Variants in SMYD3 observed in about 807,000 individuals in gnomAD.
SMYD3 encodes histone-lysine N-methyltransferase SMYD3.
Under a neutral mutation model 57.7 loss-of-function variants are expected in SMYD3, and 36 were observed. The ratio of observed to expected loss-of-function variants is 0.62; its 90% CI spans 0.48 to 0.82. SMYD3 has a LOEUF of 0.82. Ranked by LOEUF, SMYD3 falls within the 40% of genes least tolerant of loss-of-function variation. SMYD3 has a pLI of 0.00. For missense variants in SMYD3, 515 were observed against 538.8 expected (o/e 0.96, Z 0.44); for synonymous variants, 211 against 195.0 (o/e 1.08, Z -0.68).
At chr1:245,996,489 G>A (rs1458701165) in intron 5 of SMYD3, among the ~76,000 whole-genome samples, 1 of 152,130 alleles carries the variant, frequency 6.6e-6, no homozygotes, top group African/African-American at 2.4e-5. Context: ...CTTGAAAACT[G>A]AACAAATAGA....
intron 5 of SMYD3, among the ~76,000 whole-genome samples, chr1:246,015,758 T>G (rs373149865): frequency 6.6e-6 from 1 of 152,220 alleles, no homozygotes; most frequent in Non-Finnish European, 1.5e-5. Context: ...TTATAGCATG[T>G]GTCAAAGTTT....
intron 5 of SMYD3, among the ~76,000 whole-genome samples, chr1:246,248,558 TAGTC>T (rs1175096329): frequency 2.0e-5 from 3 of 151,824 alleles, no homozygotes; most frequent in African/African-American, 7.3e-5. Flanking sequence ...ATTGTGTTAT[TAGTC>T]AGGCTCCAAA....
chr1:246,426,281 T>C (rs1005227931), intron 1 of SMYD3, among the ~76,000 whole-genome samples: 1 of 152,208 alleles, frequency 6.6e-6, no homozygotes, highest in Non-Finnish European at 1.5e-5. Flanking sequence ...AATTCACTGA[T>C]TTTAAATGTA....
At chr1:246,352,750 A>G (rs1366119452) in intron 2 of SMYD3, among the ~76,000 whole-genome samples, 1 of 152,222 alleles carries the variant, frequency 6.6e-6, no homozygotes, top group African/African-American at 2.4e-5. Context: ...CCTGCTACTC[A>G]TTCTAATCAG....
chr1:246,057,845 A>T (rs34230056), intron 5 of SMYD3, among the ~76,000 whole-genome samples: 11,524 of 152,288 alleles, frequency 0.076, 515 homozygotes, highest in African/African-American at 0.12. Context: ...ACTTGGAAGT[A>T]ACCCAGATGG....
At chr1:246,290,122 T>C (rs2064659031) in intron 5 of SMYD3, among the ~76,000 whole-genome samples, 1 of 152,138 alleles carries the variant, frequency 6.6e-6, no homozygotes, top group Non-Finnish European at 1.5e-5. Context: ...GCAAAATAAC[T>C]ACATTAGCAT....
chr1:246,063,878 G>A (rs2060296937), intron 5 of SMYD3, among the ~76,000 whole-genome samples: 1 of 152,130 alleles, frequency 6.6e-6, no homozygotes, highest in Non-Finnish European at 1.5e-5. Flanking sequence ...GACTTCAAGT[G>A]ATCCACCCGC....
At chr1:246,123,497 G>A (rs970540085) in intron 5 of SMYD3, among the ~76,000 whole-genome samples, 1 of 151,038 alleles carries the variant, frequency 6.6e-6, no homozygotes, top group Non-Finnish European at 1.5e-5. Flanking sequence ...AACCCGGGAG[G>A]CAGAGGTTGC....
chr1:246,135,703 AT>A (rs2061656545), intron 5 of SMYD3, among the ~76,000 whole-genome samples: 1 of 152,166 alleles, frequency 6.6e-6, no homozygotes, highest in African/African-American at 2.4e-5. Flanking sequence ...TAATGTATAC[AT>A]ATTATATATG....
At chr1:246,253,598 A>T (rs939489619) in intron 5 of SMYD3, among the ~76,000 whole-genome samples, 7 of 152,168 alleles carry the variant, frequency 4.6e-5, no homozygotes, top group African/African-American at 1.7e-4. Context: ...ATGAGCATGG[A>T]ATGTCTTTCT....
chr1:245,765,073 C>A (rs1572272606), intron 10 of SMYD3, among the ~76,000 whole-genome samples: 2 of 121,294 alleles, frequency 1.6e-5, no homozygotes, highest in African/African-American at 6.3e-5. Flanking sequence ...CACACACACA[C>A]ACACAAAACC....
At chr1:245,893,133 C>T (rs1268277785) in intron 8 of SMYD3, among the ~76,000 whole-genome samples, 1 of 152,076 alleles carries the variant, frequency 6.6e-6, no homozygotes, top group Non-Finnish European at 1.5e-5. Context: ...TACAGTACTG[C>T]AAATTAAAAC....
At chr1:245,847,746 T>C (rs1244264762) in intron 10 of SMYD3, among the ~76,000 whole-genome samples, 1 of 152,168 alleles carries the variant, frequency 6.6e-6, no homozygotes, top group African/African-American at 2.4e-5. Flanking sequence ...TACAATTTGT[T>C]GTAATAAGAA....
At chr1:245,977,665 T>A (rs2058484758) in intron 5 of SMYD3, among the ~76,000 whole-genome samples, 1 of 152,002 alleles carries the variant, frequency 6.6e-6, no homozygotes, top group Admixed American at 6.6e-5. Flanking sequence ...GGTGACGGAG[T>A]GAGACTGTCT....
intron 6 of SMYD3, 83 bp from the exon 7 acceptor site, chr1:245,928,116 C>G: frequency 9.2e-7 from 1 of 1,083,940 alleles, no homozygotes; most frequent in Non-Finnish European, 1.4e-6. Context: ...GTAAAATACA[C>G]CTTCCTTTGG....
intron 10 of SMYD3, among the ~76,000 whole-genome samples, chr1:245,808,104 G>A (rs991044252): frequency 5.3e-5 from 8 of 152,236 alleles, no homozygotes; most frequent in African/African-American, 1.9e-4. Flanking sequence ...TAAACTGGCT[G>A]TTCCCAGGCA....
rs548715052 is a variant in SMYD3, at chr1:246,498,852, G to C, written c.164+8202C>G. ...CCCCCAGGCTGGAGTCCAGTGGCACGATCATGGCTCACTGCAGCCTTGACC... is the reference window on the plus strand; with the variant it reads ...CCCCCAGGCTGGAGTCCAGTGGCACCATCATGGCTCACTGCAGCCTTGACC... On this transcript the variant is annotated intron_variant, in intron 1 of 11. Transcript: ENST00000490107. Among the ~76,000 whole-genome samples the C allele has an allele frequency of 4.8e-3, 728 of 151,874 alleles. 8 individuals carry two copies. Among genetic ancestry groups the C allele is most frequent in the South Asian group, 4.4e-3 (21 of 4,798 alleles).
intron 2 of SMYD3, among the ~76,000 whole-genome samples, chr1:246,348,807 T>C (rs1377143413): frequency 2.7e-5 from 4 of 146,934 alleles, no homozygotes; most frequent in African/African-American, 1.0e-4. Flanking sequence ...AATTTTTTTC[T>C]TTATAAATTA....
chr1:246,071,666 G>A (rs1480489141), intron 5 of SMYD3, among the ~76,000 whole-genome samples: 1 of 152,156 alleles, frequency 6.6e-6, no homozygotes, highest in Non-Finnish European at 1.5e-5. Flanking sequence ...CTCTGAAATC[G>A]AAAATCCTGA....
Sources: gnomAD v4.1 joint callset for allele counts (sites outside exome capture counted in the v4.1 genomes callset) on GRCh38, gnomAD v4.1.1 for gene constraint, MANE v1.5 for transcripts, NCBI Gene and HGNC (gene_info 2026-07-23, HGNC 2026-07-21) for gene names.